MACF1: variants seen among roughly 807,000 people sequenced by gnomAD.
MACF1 encodes microtubule actin crosslinking factor 1, also known as microtubule-actin cross-linking factor 1.
In MACF1, 193 loss-of-function variants were observed where a neutral mutation model predicts 854.8. That is an observed-to-expected ratio of 0.23 (90% CI 0.20 to 0.25). The LOEUF (loss-of-function observed/expected upper bound fraction) is 0.25. Ranked by LOEUF, MACF1 falls within the 10% of genes least tolerant of loss-of-function variation. The pLI is 1.00. For synonymous variants in MACF1, 3,185 were observed against 3,226.7 expected (o/e 0.99, Z 0.44); for missense variants, 7,722 against 8,929.1 (o/e 0.86, Z 5.45).
At chr1:39,412,533 A>G in intron 58 of MACF1, 10 of 1,614,022 alleles carry the variant, frequency 6.2e-6, no homozygotes, top group Non-Finnish European at 6.8e-6. Context: ...GGAAGTCCCC[A>G]GAGTCAGAGA....
At chr1:39,088,582 CT>C (rs1423407641) in intron 2 of MACF1, among the ~76,000 whole-genome samples, 1 of 152,198 alleles carries the variant, frequency 6.6e-6, no homozygotes, top group Admixed American at 6.5e-5. Flanking sequence ...CTCTTCCCCT[CT>C]GGCTCTCTGT....
intron 51 of MACF1, 93 bp downstream of exon 51, chr1:39,370,279 G>A: frequency 8.5e-7 from 1 of 1,179,424 alleles, no homozygotes; most frequent in Non-Finnish European, 1.2e-6. Flanking sequence ...AAATGTATGA[G>A]AAATCCAAGT....
Position 39,461,525 on chromosome 1 carries a change from G to A in MACF1, c.21524-358G>A, listed in dbSNP as rs984640411. Among the ~76,000 whole-genome samples, 4 of 151,682 alleles carry A rather than the reference G, an allele frequency of 2.6e-5. No homozygotes were observed. The East Asian group carries it at 7.7e-4, about 29-fold the overall frequency. On this transcript the variant is annotated intron_variant, in intron 92 of 100. Coordinates refer to ENST00000564288, the MANE Select transcript of MACF1 (RefSeq NM_001394062.1). ...TATTTCTGGCCAGGCGTGGTGGCTCGCGCCTGTAATCCCAGCACTTTGGGA... is the reference window on the plus strand; with the variant it reads ...TATTTCTGGCCAGGCGTGGTGGCTCACGCCTGTAATCCCAGCACTTTGGGA...
rs1383301744 is a variant in MACF1 at position 39,417,712 on chromosome 1, A to C, written c.15817-4662A>C. ...CAGGAATGTGCCACCACACCCAGTT[A>C]ATTTTTTTTTTTTTTTTTTTTTTTT... is the stretch of plus-strand genomic sequence containing the variant. On this transcript the variant is annotated intron_variant, in intron 58 of 100. Transcript: ENST00000564288. Among the ~76,000 whole-genome samples, 37 of 68,510 alleles carry C rather than the reference A, an allele frequency of 5.4e-4. No individual in the cohort carries two copies. The East Asian group carries it at 0.014, about 27-fold the overall frequency. The allele number at this position is 68,510 out of a possible 152,430, so 44.9% of individuals were successfully genotyped here.
Position 39,368,217 on chromosome 1 carries a change from AGCTCTTGTG to A in MACF1, c.12845_12853del (p.Ser4282_Gly4284del). 6.2e-7 allele frequency: 1 copy of A among 1,614,134 alleles called. No individual in the cohort carries two copies. Among genetic ancestry groups the A allele is most frequent in the Non-Finnish European group, 8.5e-7 (1 of 1,180,006 alleles). On this transcript the variant is annotated inframe_deletion, in exon 50 of 101. Coordinates refer to ENST00000564288, the MANE Select transcript of MACF1 (RefSeq NM_001394062.1). ...TCTTGAGCACCTGGTCACTGAACTGAGCTCTTGTGGCTTTGCGCTGGACTTGTGCCAGCA... is the reference window on the plus strand; with the variant it reads ...TCTTGAGCACCTGGTCACTGAACTGAGCTTTGCGCTGGACTTGTGCCAGCA...
At chr1:39,337,739 CTTGT>C (rs749764548) in intron 38 of MACF1, among the ~76,000 whole-genome samples, 15 of 139,434 alleles carry the variant, frequency 1.1e-4, no homozygotes, top group Middle Eastern at 7.8e-3. Flanking sequence ...GCTAATTTTT[CTTGT>C]TTGTTTGTTT....
At chr1:39,359,986 C>CAAAAAA (rs1178910336) in intron 47 of MACF1, among the ~76,000 whole-genome samples, 4 of 11,744 alleles carry the variant, frequency 3.4e-4, no homozygotes, top group South Asian at 9.8e-3. Flanking sequence ...GACTCCGTCT[C>CAAAAAA]AAAAAAAAAA....
At chr1:39,394,245 TGA>T (rs1327333663) in intron 58 of MACF1, among the ~76,000 whole-genome samples, 8 of 145,790 alleles carry the variant, frequency 5.5e-5, no homozygotes, top group African/African-American at 1.9e-4. Flanking sequence ...TTCATTTGAT[TGA>T]TTGATTGATT....
At chr1:39,436,996 A>G (rs552522486) in intron 70 of MACF1, among the ~76,000 whole-genome samples, 1 of 152,294 alleles carries the variant, frequency 6.6e-6, no homozygotes, top group East Asian at 1.9e-4. Flanking sequence ...TTACTTTTAA[A>G]CTACAAGTCG....
chr1:39,092,095 G>A (rs1314090336), intron 2 of MACF1, among the ~76,000 whole-genome samples: 1 of 152,154 alleles, frequency 6.6e-6, no homozygotes, highest in Non-Finnish European at 1.5e-5. Flanking sequence ...TTAGAGCAAT[G>A]ATAGTATTTC....
chr1:39,145,799 T>C (rs1643450133), intron 2 of MACF1, among the ~76,000 whole-genome samples: 1 of 152,250 alleles, frequency 6.6e-6, no homozygotes. Flanking sequence ...CATCTGTGTG[T>C]ACAGTGATGA....
rs1644146366 is a variant in MACF1 at position 39,442,788 on chromosome 1, A to C, written c.19179A>C (p.Glu6393Asp). 1 of 1,614,066 alleles carries C rather than the reference A, an allele frequency of 6.2e-7. No individual in the cohort carries two copies. The change falls in exon 78 of 101, where the codon GAA becomes GAC. Residue 6393 changes from glutamate (E) to aspartate (D), a missense_variant. This residue lies in a region of MACF1 where 729 missense variants were observed against 900.5 expected (regional missense o/e 0.81). Transcript: ENST00000564288. ...ACAAAGCTGGCAATGAGCTTCTTGAATCCAGTGCTGGAGATGATGCCAGCA... is the reference window on the plus strand; with the variant it reads ...ACAAAGCTGGCAATGAGCTTCTTGACTCCAGTGCTGGAGATGATGCCAGCA... ...TVNKAGNELL[E>D]SSAGDDASSL...
intron 34 of MACF1, 37 bp from the exon 35 acceptor site, chr1:39,324,609 G>T (rs770831598): frequency 1.7e-5 from 25 of 1,514,612 alleles, no homozygotes; most frequent in Non-Finnish European, 2.2e-5. Flanking sequence ...TTAATTCTTG[G>T]GTTTTGAAGC....
chr1:39,425,060 A>G (rs1419430256), intron 61 of MACF1, among the ~76,000 whole-genome samples: 1 of 152,184 alleles, frequency 6.6e-6, no homozygotes, highest in Non-Finnish European at 1.5e-5. Flanking sequence ...CCAGATTTGT[A>G]CTGCTTATTT....
chr1:39,346,919 T>C, intron 40 of MACF1, 58 bp from the exon 41 acceptor site: 1 of 1,119,688 alleles, frequency 8.9e-7, no homozygotes, highest in Admixed American at 2.0e-5. Flanking sequence ...CTTCATGAAC[T>C]GAGAAATGGA....
At chr1:39,272,412 A>G (rs893286441) in intron 6 of MACF1, among the ~76,000 whole-genome samples, 6 of 152,348 alleles carry the variant, frequency 3.9e-5, no homozygotes, top group Middle Eastern at 3.4e-3. Context: ...AAAGTGGGAA[A>G]GCTGGGAGGG....
chr1:39,242,480 T>A (rs1163176974), intron 2 of MACF1, among the ~76,000 whole-genome samples: 1 of 151,548 alleles, frequency 6.6e-6, no homozygotes, highest in Non-Finnish European at 1.5e-5. Flanking sequence ...TGGCTGGGTG[T>A]GATGGATCAA....
intron 2 of MACF1, among the ~76,000 whole-genome samples, chr1:39,178,729 G>A (rs1259865910): frequency 6.6e-6 from 1 of 152,170 alleles, no homozygotes; most frequent in African/African-American, 2.4e-5. Flanking sequence ...TGAAATTCTG[G>A]TCTGGTGTCT....
chr1:39,273,196 G>C (rs930447055), intron 6 of MACF1, among the ~76,000 whole-genome samples: 6 of 148,010 alleles, frequency 4.1e-5, no homozygotes, highest in African/African-American at 1.5e-4. Context: ...CAGTGCAGTG[G>C]TGCGATCTCG....
Sources: allele counts gnomAD v4.1 joint callset (sites outside exome capture counted in the v4.1 genomes callset), GRCh38; gene constraint gnomAD v4.1.1; regional missense constraint gnomAD v4.1.1; transcripts MANE v1.5; gene names NCBI Gene and HGNC (gene_info 2026-07-23, HGNC 2026-07-21).